DFFB: variants seen among roughly 807,000 people sequenced by gnomAD.
The protein encoded by DFFB is DNA fragmentation factor subunit beta.
A neutral mutation model predicts 32.7 loss-of-function variants in DFFB; 29 were observed. That is an observed-to-expected ratio of 0.89 (90% confidence interval 0.66 to 1.21). The LOEUF (loss-of-function observed/expected upper bound fraction) is 1.21, where lower values mean the gene tolerates loss of function less well. Ranked by LOEUF, DFFB falls within the 50% of genes most tolerant of loss-of-function variation. The pLI, the probability that DFFB is intolerant of heterozygous loss-of-function variation, is 0.00. For synonymous variants in DFFB, 170 were observed against 177.1 expected, an observed-to-expected ratio of 0.96 and a Z score of 0.32; for missense variants, 398 against 440.6, an observed-to-expected ratio of 0.90 and a Z score of 0.87.
intron 2 of DFFB, among the ~76,000 whole-genome samples, chr1:3,863,958 C>A (rs1644925809): frequency 6.6e-6 from 1 of 152,044 alleles, no homozygotes. Flanking sequence ...TTGTATTGTA[C>A]ACTTTATTTA....
At chr1:3,878,446 T>C (rs1173702150) in intron 6 of DFFB, among the ~76,000 whole-genome samples, 1 of 152,216 alleles carries the variant, frequency 6.6e-6, no homozygotes, top group Non-Finnish European at 1.5e-5. Flanking sequence ...GCCACCACGC[T>C]GAGCCCACTC....
chr1:3,870,918 C>T (rs1645099791), intron 5 of DFFB, among the ~76,000 whole-genome samples: 1 of 152,206 alleles, frequency 6.6e-6, no homozygotes, highest in Non-Finnish European at 1.5e-5. Flanking sequence ...GGCACGTGCT[C>T]TGCAGATGTC....
intron 5 of DFFB, among the ~76,000 whole-genome samples, chr1:3,871,690 G>C (rs1256538227): frequency 6.6e-6 from 1 of 152,230 alleles, no homozygotes; most frequent in Non-Finnish European, 1.5e-5. Flanking sequence ...TGGTGTATTA[G>C]GCCATTCTCG....
intron 2 of DFFB, among the ~76,000 whole-genome samples, chr1:3,860,114 G>A (rs58255137): frequency 0.21 from 31,545 of 152,128 alleles, 3,655 homozygotes; most frequent in Non-Finnish European, 0.25. Context: ...AAAACATTGA[G>A]ATGGGGTCTC....
chr1:3,876,619 A>C (rs1645227298), intron 6 of DFFB, among the ~76,000 whole-genome samples: 1 of 152,216 alleles, frequency 6.6e-6, no homozygotes, highest in Non-Finnish European at 1.5e-5. Flanking sequence ...ATGAACAATG[A>C]AATAAAATGC....
chr1:3,865,533 G>C lies in DFFB; in HGVS notation c.242-279G>C. 1.8e-6 allele frequency: 1 copy of C among 570,806 alleles called. No individual in the cohort carries two copies. The highest frequency in any genetic ancestry group is 2.0e-5 in the South Asian group (1 of 50,330). 35.4% of individuals were successfully genotyped at this position (570,806 alleles called of 1,614,324 possible). ...GGGGGGCGTATGGTTTGGAGGGGAG[G>C]AGGCCAAATGGGAAAGCGGCCGTCT... On this transcript the variant is annotated intron_variant, in intron 2 of 6. Coordinates refer to ENST00000378209, the MANE Select transcript of DFFB (RefSeq NM_004402.4). This position sits in a 1 kb window ranked among gnomAD's most constrained non-coding sequence, Gnocchi z 4.7.
At chr1:3,880,334 C>G (rs1323970962) in intron 6 of DFFB, among the ~76,000 whole-genome samples, 2 of 152,216 alleles carry the variant, frequency 1.3e-5, no homozygotes, top group Admixed American at 6.5e-5. Flanking sequence ...TGGACCGCCC[C>G]CTCTGTGCCT....
chr1:3,858,153 T>C (rs1364579540), intron 1 of DFFB, among the ~76,000 whole-genome samples: 3 of 152,212 alleles, frequency 2.0e-5, no homozygotes, highest in Admixed American at 6.5e-5. Flanking sequence ...GTTGGTTTTC[T>C]TTTTAGACCA....
At chr1:3,859,236 G>A (rs934619302) in intron 2 of DFFB, among the ~76,000 whole-genome samples, 2 of 152,072 alleles carry the variant, frequency 1.3e-5, no homozygotes, top group Non-Finnish European at 2.9e-5. Flanking sequence ...CTGGAAGGAC[G>A]AGGTGGTGGT....
At chr1:3,873,523 A>C (rs537101712) in intron 6 of DFFB, among the ~76,000 whole-genome samples, 54 of 147,234 alleles carry the variant, frequency 3.7e-4, no homozygotes, top group African/African-American at 1.3e-3. Context: ...CTTGTTGCCC[A>C]GGCTGGAGTG....
At position 3,868,063 on chromosome 1, in the gene DFFB, A is replaced by C. The variant is rs1287636316; in HGVS notation, c.510+10A>C. 2 of 1,613,512 alleles carry C rather than the reference A, an allele frequency of 1.2e-6. No individual in the cohort carries two copies. The highest frequency in any genetic ancestry group is 2.7e-5 in the African/African-American group (2 of 74,854). The stretch of plus-strand genomic sequence containing the variant: ...GAGTTACCTGAGGGAGGTGAGCCTG[A>C]GTGAAGACCGGGTATGCTGGGCGGG... On this transcript the variant is annotated intron_variant, in intron 4 of 6. Coordinates refer to ENST00000378209, the MANE Select transcript of DFFB (RefSeq NM_004402.4).
At chr1:3,863,133 A>G (rs1048053663) in intron 2 of DFFB, among the ~76,000 whole-genome samples, 1 of 152,224 alleles carries the variant, frequency 6.6e-6, no homozygotes, top group Non-Finnish European at 1.5e-5. Context: ...GTTGCCAATC[A>G]TGTATCTAAT....
At chr1:3,869,507 C>T in intron 4 of DFFB, 98 bp from the exon 5 acceptor site, 2 of 1,291,264 alleles carry the variant, frequency 1.5e-6, no homozygotes, top group South Asian at 2.8e-5. Context: ...TGGGCTTGGG[C>T]AGGGTCTCAG....
chr1:3,858,437 C>T (rs539936907), intron 1 of DFFB, among the ~76,000 whole-genome samples: 90 of 152,270 alleles, frequency 5.9e-4, no homozygotes, highest in African/African-American at 2.1e-3. Context: ...TTTGAAGCGC[C>T]CTCAGGAGCT....
intron 6 of DFFB, among the ~76,000 whole-genome samples, chr1:3,877,958 A>G (rs1645258413): frequency 6.6e-6 from 1 of 151,982 alleles, no homozygotes; most frequent in African/African-American, 2.4e-5. Context: ...TTGTTAGCCA[A>G]GGGTAACAGC....
At chr1:3,870,980 G>A (rs1645101146) in intron 5 of DFFB, among the ~76,000 whole-genome samples, 1 of 152,246 alleles carries the variant, frequency 6.6e-6, no homozygotes, top group Admixed American at 6.5e-5. Context: ...AGGGAAGACG[G>A]AAGCTGTGGC....
intron 6 of DFFB, among the ~76,000 whole-genome samples, chr1:3,878,430 G>A (rs565443259): frequency 6.6e-6 from 1 of 152,216 alleles, no homozygotes; most frequent in Non-Finnish European, 1.5e-5. Context: ...GGGGTTACAG[G>A]CGTGAGCCAC....
chr1:3,869,489 C>T, intron 4 of DFFB, 116 bp from the exon 5 acceptor site: 1 of 1,115,776 alleles, frequency 9.0e-7, no homozygotes, highest in Admixed American at 2.3e-5. Context: ...ACCCTCTGAC[C>T]ACAGGACTGG....
chr1:3,866,602 T>G (rs1644985583), intron 3 of DFFB, among the ~76,000 whole-genome samples: 1 of 152,158 alleles, frequency 6.6e-6, no homozygotes, highest in Non-Finnish European at 1.5e-5. Context: ...TCTCAATCAT[T>G]TTTTTAGTGC....
Sources: allele counts gnomAD v4.1 joint callset (sites outside exome capture counted in the v4.1 genomes callset), GRCh38; gene constraint gnomAD v4.1.1; non-coding constraint Gnocchi (gnomAD v3.1); transcripts MANE v1.5; gene names NCBI Gene and HGNC (gene_info 2026-07-23, HGNC 2026-07-21).